Variants in MED13L observed in about 807,000 individuals in gnomAD.
MED13L encodes the protein mediator of RNA polymerase II transcription subunit 13-like.
Under a neutral mutation model 220.9 loss-of-function variants are expected in MED13L, and 7 were observed. The observed-to-expected ratio is 0.03, with a 90% CI of 0.02 to 0.06. MED13L has a LOEUF of 0.06. Among genes scored for constraint, MED13L ranks in the 10% least tolerant of loss-of-function variants. MED13L has a pLI of 1.00. For missense variants in MED13L, 1,965 were observed against 2,760.5 expected, an observed-to-expected ratio of 0.71 and a Z score of 6.46; for synonymous variants, 1,011 against 1,015.2, an observed-to-expected ratio of 1.00 and a Z score of 0.08.
intron 4 of MED13L, among the ~76,000 whole-genome samples, chr12:116,057,114 G>A (rs1202243614): frequency 6.6e-6 from 1 of 152,172 alleles, no homozygotes. Context: ...AATCCCTGAA[G>A]AAAGCTAGTA....
chr12:116,007,946 G>C (rs1879157562), intron 10 of MED13L: 3 of 385,632 alleles, frequency 7.8e-6, no homozygotes, highest in Non-Finnish European at 1.4e-5. Context: ...ATATGGTACA[G>C]TGAAGATTAA....
intron 4 of MED13L, among the ~76,000 whole-genome samples, chr12:116,032,613 G>A (rs566915181): frequency 5.9e-5 from 9 of 152,122 alleles, no homozygotes; most frequent in African/African-American, 1.4e-4. Flanking sequence ...TTCAGATACC[G>A]ACATGGCTCC....
intron 30 of MED13L, among the ~76,000 whole-genome samples, chr12:115,963,204 G>T (rs997022711): frequency 6.6e-6 from 1 of 152,120 alleles, no homozygotes; most frequent in African/African-American, 2.4e-5. Flanking sequence ...GCCTATCACT[G>T]CCTAACTGAA....
chr12:116,068,629 A>C (rs974230378), intron 4 of MED13L, among the ~76,000 whole-genome samples: 1 of 152,182 alleles, frequency 6.6e-6, no homozygotes. Flanking sequence ...GGCAACAGCT[A>C]TTCTCAGAAT....
At position 115,959,608 on chromosome 12, in the gene MED13L, A is replaced by G. The variant is rs1875632805; in HGVS notation, c.*1658T>C. The G allele has an allele frequency of 6.6e-6, 1 of 152,628 alleles. No homozygotes were observed. Among genetic ancestry groups the G allele is most frequent in the Non-Finnish European group, 1.5e-5 (1 of 68,040 alleles). 9.5% of individuals were successfully genotyped at this position (152,628 alleles called of 1,614,324 possible). A position where few individuals can be genotyped will look rare whatever the true frequency, so the allele number is the denominator to read the frequency against. ...ATTTTTAAAGTCAATTTTACACTGTACACATTAGATACAAATGGTTTGATA... is the reference window on the plus strand; with the variant it reads ...ATTTTTAAAGTCAATTTTACACTGTGCACATTAGATACAAATGGTTTGATA... On this transcript the variant is annotated 3_prime_UTR_variant, in exon 31 of 31. Transcript: ENST00000281928.
At chr12:116,141,191 T>C (rs950146686) in intron 2 of MED13L, among the ~76,000 whole-genome samples, 2 of 152,220 alleles carry the variant, frequency 1.3e-5, no homozygotes, top group African/African-American at 4.8e-5. Flanking sequence ...GTACCTAATA[T>C]GAAGGCAATT....
intron 1 of MED13L, among the ~76,000 whole-genome samples, chr12:116,260,722 C>T (rs1259187981): frequency 6.6e-6 from 1 of 152,044 alleles, no homozygotes; most frequent in African/African-American, 2.4e-5. Flanking sequence ...CACTGGTTCC[C>T]CAAATCTGGC....
chr12:116,076,500 G>A (rs1267459095), intron 4 of MED13L, among the ~76,000 whole-genome samples: 1 of 152,126 alleles, frequency 6.6e-6, no homozygotes, highest in Non-Finnish European at 1.5e-5. Context: ...TCACACTATT[G>A]CACTCCAGCC....
chr12:116,179,623 C>T (rs891373822), intron 2 of MED13L, among the ~76,000 whole-genome samples: 5 of 151,846 alleles, frequency 3.3e-5, no homozygotes, highest in Admixed American at 2.0e-4. Context: ...AAAATAAACA[C>T]TCTATGAAGG....
intron 13 of MED13L, 66 bp downstream of exon 13, chr12:116,005,803 T>A: frequency 6.3e-7 from 1 of 1,589,718 alleles, no homozygotes; most frequent in Non-Finnish European, 8.6e-7. Context: ...AAAGAAATAC[T>A]ACAACACTGA....
At chr12:115,989,708 G>T (rs1267605095) in intron 17 of MED13L, among the ~76,000 whole-genome samples, 6 of 152,008 alleles carry the variant, frequency 3.9e-5, no homozygotes, top group African/African-American at 1.5e-4. Flanking sequence ...GACTATCCAG[G>T]TATACAAGTA....
chr12:116,132,571 T>A (rs770057349), intron 2 of MED13L, among the ~76,000 whole-genome samples: 4 of 152,126 alleles, frequency 2.6e-5, no homozygotes, highest in Non-Finnish European at 5.9e-5. Context: ...TACTTGCTTT[T>A]TTTTTTCCCT....
intron 4 of MED13L, among the ~76,000 whole-genome samples, chr12:116,042,905 C>T (rs1157114149): frequency 6.6e-6 from 1 of 152,172 alleles, no homozygotes; most frequent in Non-Finnish European, 1.5e-5. Flanking sequence ...TGTTTACCCT[C>T]AAGAGCTGAA....
At chr12:116,020,146 G>T (rs1271813746) in intron 5 of MED13L, among the ~76,000 whole-genome samples, 174 bp from the exon 6 acceptor site, 1 of 151,824 alleles carries the variant, frequency 6.6e-6, no homozygotes, top group African/African-American at 2.4e-5. Context: ...AATTATTTTT[G>T]TAGAGACTGG....
chr12:116,230,339 G>T (rs1354868613), intron 2 of MED13L: 4 of 276,938 alleles, frequency 1.4e-5, no homozygotes, highest in Non-Finnish European at 2.2e-5. Flanking sequence ...GGCAGAGGCT[G>T]CCATGAGCCA....
At chr12:116,120,056 G>A (rs1035389914) in intron 2 of MED13L, among the ~76,000 whole-genome samples, 1 of 151,450 alleles carries the variant, frequency 6.6e-6, no homozygotes. Context: ...AGAACTTCTC[G>A]GATATTCATA....
intron 1 of MED13L, among the ~76,000 whole-genome samples, chr12:116,247,781 TTAAC>T (rs1871213653): frequency 6.6e-6 from 1 of 152,246 alleles, no homozygotes; most frequent in Non-Finnish European, 1.5e-5. Flanking sequence ...TTTACCAACA[TTAAC>T]TAAAAAGTAT....
At chr12:116,043,210 A>T (rs1256757682) in intron 4 of MED13L, among the ~76,000 whole-genome samples, 2 of 152,212 alleles carry the variant, frequency 1.3e-5, no homozygotes, top group African/African-American at 4.8e-5. Flanking sequence ...TCAATTATGC[A>T]TACAATAGAG....
At chr12:116,083,198 G>A (rs1871345868) in intron 4 of MED13L, among the ~76,000 whole-genome samples, 1 of 152,040 alleles carries the variant, frequency 6.6e-6, no homozygotes, top group Non-Finnish European at 1.5e-5. Context: ...CTTGAGGCCA[G>A]GAGTTCGAGA....
Sources: gnomAD v4.1 joint callset for allele counts (sites outside exome capture counted in the v4.1 genomes callset) on GRCh38, gnomAD v4.1.1 for gene constraint, MANE v1.5 for transcripts, NCBI Gene and HGNC (gene_info 2026-07-23, HGNC 2026-07-21) for gene names.